PEX5L: variants seen among roughly 807,000 people sequenced by gnomAD.
The protein encoded by PEX5L is peroxisomal biogenesis factor 5 like.
In PEX5L, 30 loss-of-function variants were observed where a neutral mutation model predicts 84.0. The ratio of observed to expected loss-of-function variants is 0.36; its 90% CI spans 0.27 to 0.48. The LOEUF (loss-of-function observed/expected upper bound fraction) is 0.48, where lower values mean the gene tolerates loss of function less well. Among genes scored for constraint, PEX5L ranks in the 20% least tolerant of loss-of-function variants. The pLI is 0.99. For synonymous variants in PEX5L, 270 were observed against 283.1 expected, an observed-to-expected ratio of 0.95 and a Z score of 0.46; for missense variants, 533 against 754.6, an observed-to-expected ratio of 0.71 and a Z score of 3.44.
intron 2 of PEX5L, among the ~76,000 whole-genome samples, chr3:179,970,630 G>A (rs1524509): frequency 0.17 from 25,569 of 152,068 alleles, 2,382 homozygotes; most frequent in Admixed American, 0.25. Flanking sequence ...CTCTAAGTCA[G>A]TTATTTCTGG....
chr3:179,932,030 T>A (rs1368444619), intron 2 of PEX5L, among the ~76,000 whole-genome samples: 1 of 152,180 alleles, frequency 6.6e-6, no homozygotes, highest in East Asian at 1.9e-4. Flanking sequence ...GATATGTTTA[T>A]CCTAATCTTA....
intron 8 of PEX5L, among the ~76,000 whole-genome samples, chr3:179,854,160 A>G (rs965857723): frequency 2.0e-5 from 3 of 150,942 alleles, no homozygotes; most frequent in Non-Finnish European, 4.4e-5. Context: ...TGATGTTTCA[A>G]TACAATGTTA....
intron 2 of PEX5L, among the ~76,000 whole-genome samples, chr3:179,904,905 T>C (rs964081716): frequency 6.6e-6 from 1 of 152,162 alleles, no homozygotes; most frequent in Non-Finnish European, 1.5e-5. Context: ...GGGTGATCTA[T>C]GCTGCTTCCA....
intron 8 of PEX5L, among the ~76,000 whole-genome samples, chr3:179,856,518 A>G (rs1577666160): frequency 6.6e-6 from 1 of 152,224 alleles, no homozygotes; most frequent in Admixed American, 6.5e-5. Flanking sequence ...GGCTGGGTCG[A>G]TGAGCATAAA....
At chr3:179,813,976 A>ATTT (rs71182520) in intron 10 of PEX5L, among the ~76,000 whole-genome samples, 2 of 132,154 alleles carry the variant, frequency 1.5e-5, no homozygotes, top group Non-Finnish European at 3.2e-5. Context: ...GCGCCCGGCC[A>ATTT]TTTTTTTTTT....
chr3:179,822,012 A>C (rs1375281563), intron 8 of PEX5L, among the ~76,000 whole-genome samples: 1 of 152,208 alleles, frequency 6.6e-6, no homozygotes, highest in Non-Finnish European at 1.5e-5. Flanking sequence ...TTTTAATACC[A>C]CAAAACCTGA....
chr3:179,959,085 G>T (rs1781371175), intron 2 of PEX5L, among the ~76,000 whole-genome samples: 1 of 151,186 alleles, frequency 6.6e-6, no homozygotes, highest in Non-Finnish European at 1.5e-5. Context: ...AAAAAAACCA[G>T]ATTCCTGGGC....
At chr3:179,841,760 G>T (rs1396836905) in intron 8 of PEX5L, among the ~76,000 whole-genome samples, 1 of 152,142 alleles carries the variant, frequency 6.6e-6, no homozygotes, top group African/African-American at 2.4e-5. Context: ...TATCAACTCA[G>T]AACAAGGTGG....
intron 8 of PEX5L, among the ~76,000 whole-genome samples, chr3:179,840,177 G>GTTTTT (rs1560319639): frequency 1.9e-4 from 21 of 107,922 alleles, no homozygotes; most frequent in African/African-American, 8.0e-4. Flanking sequence ...GTGTGTGTGT[G>GTTTTT]TGTGTGTTTT....
intron 1 of PEX5L, 116 bp downstream of exon 1, chr3:180,036,463 A>C: frequency 1.0e-6 from 1 of 972,514 alleles, no homozygotes; most frequent in Middle Eastern, 2.1e-4. Flanking sequence ...GTCATGTTGC[A>C]TCACTTCACT....
chr3:180,013,774 TAGAAAGAATGC>T (rs1436449079), intron 1 of PEX5L, among the ~76,000 whole-genome samples: 1 of 152,224 alleles, frequency 6.6e-6, no homozygotes, highest in Non-Finnish European at 1.5e-5. Context: ...CCTCCACTTG[TAGAAAGAATGC>T]AGGAAAAACA....
chr3:179,814,915 C>CGGTA (rs1016369842), intron 10 of PEX5L, among the ~76,000 whole-genome samples: 10 of 152,140 alleles, frequency 6.6e-5, no homozygotes, highest in Non-Finnish European at 1.2e-4. Context: ...GCCCCTCTGC[C>CGGTA]TACCCACATA....
intron 3 of PEX5L, among the ~76,000 whole-genome samples, chr3:179,893,800 T>C (rs1223591318): frequency 6.6e-6 from 1 of 152,170 alleles, no homozygotes; most frequent in African/African-American, 2.4e-5. Flanking sequence ...GTAATGTTGA[T>C]TTAGAAAATT....
At chr3:179,986,248 A>G (rs1043290984) in intron 1 of PEX5L, among the ~76,000 whole-genome samples, 5 of 151,620 alleles carry the variant, frequency 3.3e-5, no homozygotes, top group African/African-American at 1.2e-4. Flanking sequence ...TTGTTATAGT[A>G]AATTTACCCT....
chr3:179,870,423 TTA>T (rs1442880796), intron 7 of PEX5L, among the ~76,000 whole-genome samples: 1 of 151,470 alleles, frequency 6.6e-6, no homozygotes, highest in Non-Finnish European at 1.5e-5. Flanking sequence ...TCCAAGACCC[TTA>T]AAAACCCTAG....
intron 1 of PEX5L, among the ~76,000 whole-genome samples, chr3:180,013,599 T>C (rs1373191929): frequency 2.0e-5 from 3 of 152,182 alleles, no homozygotes; most frequent in Non-Finnish European, 2.9e-5. Context: ...AAAACATTTC[T>C]TTAGAATTGA....
chr3:179,835,362 CT>C lies in PEX5L; in HGVS notation c.823-15387del, dbSNP rs143213645. On this transcript the variant is annotated intron_variant, in intron 8 of 14. Coordinates refer to ENST00000467460, the MANE Select transcript of PEX5L (RefSeq NM_016559.3). Reference sequence around the variant, plus strand: ...GGGTTAGGTGATGTTATTGTTGTTGCTTTTTTTTTTTAAATAAAAACACTTT... The same window carrying C: ...GGGTTAGGTGATGTTATTGTTGTTGCTTTTTTTTTTAAATAAAAACACTTT... Among the ~76,000 whole-genome samples the C allele has an allele frequency of 6.8e-3, 984 of 145,718 alleles. 3 individuals carry two copies. The highest frequency in any genetic ancestry group is 8.6e-3 in the Non-Finnish European group (565 of 65,962).
At chr3:180,007,918 G>T (rs748150981) in intron 1 of PEX5L, among the ~76,000 whole-genome samples, 5 of 152,244 alleles carry the variant, frequency 3.3e-5, no homozygotes, top group African/African-American at 1.2e-4. Flanking sequence ...GGGAGGGACT[G>T]CCATGAAGGT....
intron 2 of PEX5L, among the ~76,000 whole-genome samples, chr3:179,926,961 C>T (rs1176695759): frequency 2.0e-5 from 3 of 152,122 alleles, no homozygotes; most frequent in African/African-American, 4.8e-5. Flanking sequence ...TAGGCAGATC[C>T]GGGTCTCAGT....
Sources: allele counts gnomAD v4.1 joint callset (sites outside exome capture counted in the v4.1 genomes callset), GRCh38; gene constraint gnomAD v4.1.1; transcripts MANE v1.5; gene names NCBI Gene and HGNC (gene_info 2026-07-23, HGNC 2026-07-21).